MTUS2: variants seen among roughly 807,000 people sequenced by gnomAD.
MTUS2 encodes the protein microtubule associated scaffold protein 2.
Under a neutral mutation model 114.1 loss-of-function variants are expected in MTUS2, and 40 were observed. The ratio of observed to expected loss-of-function variants is 0.35; its 90% CI spans 0.27 to 0.46. The LOEUF (loss-of-function observed/expected upper bound fraction) is 0.46. Ranked by LOEUF, MTUS2 falls within the 20% of genes least tolerant of loss-of-function variation. The pLI is 1.00. For synonymous variants in MTUS2, 688 were observed against 672.0 expected (o/e 1.02, Z -0.37); for missense variants, 1,679 against 1,705.4 (o/e 0.98, Z 0.27).
intron 14 of MTUS2, among the ~76,000 whole-genome samples, chr13:29,500,577 G>A (rs114208561): frequency 0.02 from 3,112 of 152,192 alleles, 110 homozygotes; most frequent in African/African-American, 0.07. Context: ...AGGAAAAAGC[G>A]TGCTTACATT....
intron 2 of MTUS2, among the ~76,000 whole-genome samples, chr13:28,965,030 G>T (rs1354536890): frequency 6.6e-6 from 1 of 152,076 alleles, no homozygotes; most frequent in Non-Finnish European, 1.5e-5. Context: ...ATCACCCCAT[G>T]GCATATGTGT....
intron 2 of MTUS2, among the ~76,000 whole-genome samples, chr13:28,894,313 GGA>G (rs1318815653): frequency 7.7e-4 from 24 of 30,976 alleles, no homozygotes; most frequent in African/African-American, 2.3e-3. Flanking sequence ...AGGGGGGGGG[GGA>G]GGGAGGGAGG....
chr13:29,475,256 G>A (rs1410658401), intron 9 of MTUS2, among the ~76,000 whole-genome samples: 2 of 152,170 alleles, frequency 1.3e-5, no homozygotes, highest in Admixed American at 6.5e-5. Flanking sequence ...TTGTGGTGAT[G>A]CTGGTATAAA....
chr13:29,003,145 T>G (rs1033122277), intron 2 of MTUS2, among the ~76,000 whole-genome samples: 1 of 152,258 alleles, frequency 6.6e-6, no homozygotes, highest in African/African-American at 2.4e-5. Context: ...ATGGGACTTT[T>G]TTTGTTTTAA....
intron 8 of MTUS2, among the ~76,000 whole-genome samples, chr13:29,414,468 TAAAAA>T (rs67181675): frequency 3.9e-5 from 5 of 126,792 alleles, no homozygotes; most frequent in East Asian, 2.3e-4. Context: ...AAAAAAAAAT[TAAAAA>T]AAAAAAAAAA....
chr13:29,246,818 A>T (rs1896942807), intron 5 of MTUS2, among the ~76,000 whole-genome samples: 1 of 152,172 alleles, frequency 6.6e-6, no homozygotes, highest in Non-Finnish European at 1.5e-5. Flanking sequence ...TATTGTGAAA[A>T]TGACCATAAC....
intron 5 of MTUS2, among the ~76,000 whole-genome samples, chr13:29,135,449 C>A (rs147511482): frequency 3.1e-4 from 47 of 152,190 alleles, no homozygotes; most frequent in African/African-American, 1.0e-3. Context: ...TTGTAGGCAG[C>A]GTATAGTTGG....
chr13:29,013,770 C>CCACACA (rs10647691), intron 2 of MTUS2, among the ~76,000 whole-genome samples: 41 of 151,618 alleles, frequency 2.7e-4, no homozygotes, highest in African/African-American at 5.6e-4. Flanking sequence ...GTTAAACTAT[C>CCACACA]CACACACACA....
At chr13:29,202,654 T>C (rs528212712) in intron 5 of MTUS2, among the ~76,000 whole-genome samples, 1 of 152,220 alleles carries the variant, frequency 6.6e-6, no homozygotes, top group Non-Finnish European at 1.5e-5. Flanking sequence ...TATCTACCTT[T>C]GGTCTTTGAT....
intron 8 of MTUS2, among the ~76,000 whole-genome samples, chr13:29,378,662 T>C (rs889745353): frequency 6.6e-6 from 1 of 152,164 alleles, no homozygotes; most frequent in Non-Finnish European, 1.5e-5. Flanking sequence ...TAGTCTCTCA[T>C]TCACCTTCAG....
At chr13:29,469,972 A>G (rs1279152505) in intron 9 of MTUS2, among the ~76,000 whole-genome samples, 1 of 152,150 alleles carries the variant, frequency 6.6e-6, no homozygotes, top group African/African-American at 2.4e-5. Flanking sequence ...ACAGGGAAGG[A>G]AAACATCAGT....
At chr13:28,869,133 T>C (rs1877471018) in intron 2 of MTUS2, among the ~76,000 whole-genome samples, 1 of 152,184 alleles carries the variant, frequency 6.6e-6, no homozygotes, top group African/African-American at 2.4e-5. Flanking sequence ...AGAAGAACCA[T>C]TTGGAGCTGT....
chr13:29,058,663 G>A (rs934382653), intron 4 of MTUS2, among the ~76,000 whole-genome samples: 2 of 149,700 alleles, frequency 1.3e-5, no homozygotes, highest in Non-Finnish European at 3.0e-5. Context: ...GCTGCACCCA[G>A]TAACTCGTCA....
chr13:28,831,492 T>C (rs1394811468), intron 1 of MTUS2, among the ~76,000 whole-genome samples: 1 of 152,176 alleles, frequency 6.6e-6, no homozygotes, highest in Non-Finnish European at 1.5e-5. Context: ...AGAGCTGGAA[T>C]GGCTATACCG....
At chr13:29,233,028 A>G (rs1566081440) in intron 5 of MTUS2, among the ~76,000 whole-genome samples, 1 of 152,232 alleles carries the variant, frequency 6.6e-6, no homozygotes, top group African/African-American at 2.4e-5. Context: ...CAAAAAGAAC[A>G]GCAAAATGAC....
At chr13:28,965,651 T>A (rs1454717831) in intron 2 of MTUS2, among the ~76,000 whole-genome samples, 2 of 152,166 alleles carry the variant, frequency 1.3e-5, no homozygotes, top group Admixed American at 6.5e-5. Flanking sequence ...GAGGTTTATT[T>A]TAAGGAATTG....
At chr13:28,905,107 A>T (rs1428336840) in intron 2 of MTUS2, among the ~76,000 whole-genome samples, 1 of 151,754 alleles carries the variant, frequency 6.6e-6, no homozygotes, top group African/African-American at 2.4e-5. Context: ...TTGATTTTGT[A>T]TCCTGAGACT....
At chr13:29,332,732 T>C (rs1223385585) in intron 7 of MTUS2, among the ~76,000 whole-genome samples, 1 of 151,480 alleles carries the variant, frequency 6.6e-6, no homozygotes, top group Non-Finnish European at 1.5e-5. Flanking sequence ...CCTCCTGGGT[T>C]CATGCCATTC....
chr13:29,459,959 G>A (rs1879368535), intron 9 of MTUS2, among the ~76,000 whole-genome samples: 1 of 152,082 alleles, frequency 6.6e-6, no homozygotes, highest in African/African-American at 2.4e-5. Context: ...GAAGACTCAA[G>A]TCCACCATCC....
Sources: allele counts gnomAD v4.1 joint callset (sites outside exome capture counted in the v4.1 genomes callset), GRCh38; gene constraint gnomAD v4.1.1; transcripts MANE v1.5; gene names NCBI Gene and HGNC (gene_info 2026-07-23, HGNC 2026-07-21).